The following KCNQ1 variants were observed in gnomAD, a reference collection of about 807,000 sequenced individuals.
KCNQ1 encodes the protein potassium voltage-gated channel subfamily Q member 1.
A neutral mutation model predicts 72.4 loss-of-function variants in KCNQ1; 49 were observed. The observed-to-expected ratio is 0.68, with a 90% CI of 0.54 to 0.86. KCNQ1 has a LOEUF of 0.86. Among genes scored for constraint, KCNQ1 ranks in the 40% least tolerant of loss-of-function variants. The pLI is 0.00. For missense variants in KCNQ1, 790 were observed against 945.1 expected (o/e 0.84, Z 2.15); for synonymous variants, 450 against 412.6 (o/e 1.09, Z -1.10).
chr11:2,510,077 C>T (rs1483136231), intron 1 of KCNQ1, among the ~76,000 whole-genome samples: 1 of 151,840 alleles, frequency 6.6e-6, no homozygotes, highest in Admixed American at 6.6e-5. Context: ...CGAGACCAGC[C>T]TGGGCAACAT....
In KCNQ1 at chr11:2,478,620, C is replaced by A. The variant is rs1564792538; in HGVS notation, c.386+33136C>A. On this transcript the variant is annotated intron_variant, in intron 1 of 15. Coordinates refer to ENST00000155840, the MANE Select transcript of KCNQ1 (RefSeq NM_000218.3). The surrounding 1 kb of genome is among the most constrained non-coding windows in gnomAD (Gnocchi z 4.0). The stretch of plus-strand genomic sequence containing the variant: ...ATGATTCAATTATCTCCCACGAGGT[C>A]CCTCCCATGACACGTGGGAATTATG... 6.6e-6 allele frequency among the ~76,000 whole-genome samples: 1 copy of A among 152,152 alleles called. No homozygotes were observed. Among genetic ancestry groups the A allele is most frequent in the Non-Finnish European group, 1.5e-5 (1 of 68,032 alleles).
At position 2,600,662 on chromosome 11, in the gene KCNQ1, T is replaced by G. The variant is rs1285170389; in HGVS notation, c.1393+11808T>G. Among the ~76,000 whole-genome samples, 1 of 152,248 alleles carries G rather than the reference T, an allele frequency of 6.6e-6. No homozygotes were observed. Among genetic ancestry groups the G allele is most frequent in the East Asian group, 1.9e-4 (1 of 5,200 alleles). ...ACCTAATTTAATGCCTATGTTCCCATTTTGTCAGTTGCCATGACAATGTCC... is the reference window on the plus strand; with the variant it reads ...ACCTAATTTAATGCCTATGTTCCCAGTTTGTCAGTTGCCATGACAATGTCC... On this transcript the variant is annotated intron_variant, in intron 10 of 15. Transcript: ENST00000155840. The surrounding 1 kb of genome is among the most constrained non-coding windows in gnomAD (Gnocchi z 5.6).
At chr11:2,792,565 G>C (rs574180582) in intron 15 of KCNQ1, among the ~76,000 whole-genome samples, 1 of 152,288 alleles carries the variant, frequency 6.6e-6, no homozygotes, top group South Asian at 2.1e-4. Context: ...CCAGGAAAAG[G>C]TCTGTGCGGG....
At chr11:2,740,484 C>T (rs903347728) in intron 11 of KCNQ1, among the ~76,000 whole-genome samples, 12 of 152,090 alleles carry the variant, frequency 7.9e-5, no homozygotes, top group African/African-American at 2.9e-4. Flanking sequence ...CAGAGGACAG[C>T]GCACGCGGGC....
rs1849691538 is a variant in KCNQ1 at position 2,647,949 on chromosome 11, C to T, written c.1394-14012C>T. On this transcript the variant is annotated intron_variant, in intron 10 of 15. Coordinates refer to ENST00000155840, the MANE Select transcript of KCNQ1 (RefSeq NM_000218.3). This position sits in a 1 kb window ranked among gnomAD's most constrained non-coding sequence, Gnocchi z 4.0. ...AGTTTTTTGGCTGGGTTTGTTGGCTCACACCTGTAAACCCAGTACTTTGGA... is the reference window on the plus strand; with the variant it reads ...AGTTTTTTGGCTGGGTTTGTTGGCTTACACCTGTAAACCCAGTACTTTGGA... 1.5e-5 allele frequency: 6 copies of T among 397,804 alleles called. No homozygotes were observed. Among genetic ancestry groups the T allele is most frequent in the East Asian group, 3.6e-5 (1 of 28,044 alleles). 24.6% of individuals were successfully genotyped at this position (397,804 alleles called of 1,614,324 possible). A position where few individuals can be genotyped will look rare whatever the true frequency, so the allele number is the denominator to read the frequency against.
chr11:2,477,584 A>G lies in KCNQ1; in HGVS notation c.386+32100A>G, dbSNP rs564956823. Among the ~76,000 whole-genome samples the G allele has an allele frequency of 6.6e-6, 1 of 152,182 alleles. No homozygotes were observed. Among genetic ancestry groups the G allele is most frequent in the South Asian group, 2.1e-4 (1 of 4,816 alleles). On this transcript the variant is annotated intron_variant, in intron 1 of 15. Transcript: ENST00000155840. The surrounding 1 kb of genome is among the most constrained non-coding windows in gnomAD (Gnocchi z 5.0). ...AATCCTCATTATGATGGCAGACTAAACCCATAGTGTGTTAAAAATGACCAC... is the reference window on the plus strand; with the variant it reads ...AATCCTCATTATGATGGCAGACTAAGCCCATAGTGTGTTAAAAATGACCAC...
rs181926349 is a variant in KCNQ1, at chr11:2,707,692, C to G, written c.1514+45611C>G. 1.5e-3 allele frequency among the ~76,000 whole-genome samples: 225 copies of G among 152,352 alleles called. 1 individual carries two copies. Among genetic ancestry groups the G allele is most frequent in the African/African-American group, 4.4e-3 (184 of 41,572 alleles). On this transcript the variant is annotated intron_variant, in intron 11 of 15. Coordinates refer to ENST00000155840, the MANE Select transcript of KCNQ1 (RefSeq NM_000218.3). ...GTTCTGAGGGCTTCATCCACACTAC[C>G]ACCCACTGTAGAGATGGGAAAACTG...
At chr11:2,819,635 G>C (rs780679506) in intron 15 of KCNQ1, among the ~76,000 whole-genome samples, 5 of 152,180 alleles carry the variant, frequency 3.3e-5, no homozygotes, top group African/African-American at 1.2e-4. Context: ...TGGTGCCTGG[G>C]GTTTTACCTT....
intron 15 of KCNQ1, among the ~76,000 whole-genome samples, chr11:2,825,633 T>G (rs1052677072): frequency 4.6e-5 from 7 of 152,230 alleles, no homozygotes; most frequent in African/African-American, 1.7e-4. Context: ...GGGGAAAGTA[T>G]GTGGACCTGC....
intron 15 of KCNQ1, among the ~76,000 whole-genome samples, chr11:2,792,850 G>C (rs1564894970): frequency 6.6e-6 from 1 of 152,214 alleles, no homozygotes; most frequent in Non-Finnish European, 1.5e-5. Flanking sequence ...AGTAAGGTGA[G>C]CCTGACAGCG....
At chr11:2,706,606 C>T (rs1850915188) in intron 11 of KCNQ1, among the ~76,000 whole-genome samples, 1 of 152,240 alleles carries the variant, frequency 6.6e-6, no homozygotes, top group Non-Finnish European at 1.5e-5. Context: ...ACAGAGCCAC[C>T]CACTCTCACC....
At chr11:2,575,708 G>A (rs1357970772) in intron 6 of KCNQ1, among the ~76,000 whole-genome samples, 1 of 152,212 alleles carries the variant, frequency 6.6e-6, no homozygotes, top group African/African-American at 2.4e-5. Flanking sequence ...TTACTGGGTG[G>A]GAGGTGGCTT....
intron 1 of KCNQ1, among the ~76,000 whole-genome samples, chr11:2,454,472 CAT>C (rs1299827095): frequency 1.4e-4 from 21 of 152,210 alleles, no homozygotes; most frequent in African/African-American, 4.6e-4. Flanking sequence ...TTTCAGGTGA[CAT>C]ATTTCTAGCG....
intron 2 of KCNQ1, among the ~76,000 whole-genome samples, chr11:2,554,451 C>A (rs2133698559): frequency 6.6e-6 from 1 of 152,336 alleles, no homozygotes; most frequent in African/African-American, 2.4e-5. Context: ...GCTGACATGT[C>A]ATTCCTGAGC....
chr11:2,837,378 G>A (rs955111984), intron 15 of KCNQ1, among the ~76,000 whole-genome samples: 1 of 152,104 alleles, frequency 6.6e-6, no homozygotes, highest in African/African-American at 2.4e-5. Flanking sequence ...CTGGGGCCCA[G>A]GAGAGCCCGC....
intron 10 of KCNQ1, chr11:2,644,325 G>A (rs946727774): frequency 2.5e-6 from 1 of 398,036 alleles, no homozygotes; most frequent in Non-Finnish European, 4.4e-6. Flanking sequence ...TTATCTTCAA[G>A]GTGTGAAATT....
rs763685072 is a variant in KCNQ1, at chr11:2,498,489, G to A, written c.387-29439G>A. ...TCCCAGCCTCCTTAGCACTATCAGG[G>A]GAAAACCGCCTACTAAAGCCTCAGT... is the stretch of plus-strand genomic sequence containing the variant. On this transcript the variant is annotated intron_variant, in intron 1 of 15. Coordinates refer to ENST00000155840, the MANE Select transcript of KCNQ1 (RefSeq NM_000218.3). This position sits in a 1 kb window ranked among gnomAD's most constrained non-coding sequence, Gnocchi z 4.8. 6.6e-6 allele frequency among the ~76,000 whole-genome samples: 1 copy of A among 152,120 alleles called. No individual in the cohort carries two copies. Among genetic ancestry groups the A allele is most frequent in the Non-Finnish European group, 1.5e-5 (1 of 68,010 alleles).
intron 10 of KCNQ1, chr11:2,655,065 C>CT: frequency 2.5e-6 from 1 of 398,572 alleles, no homozygotes; most frequent in Non-Finnish European, 4.4e-6. Context: ...TCCTTCTAGT[C>CT]TTTTTTCTGT....
intron 12 of KCNQ1, among the ~76,000 whole-genome samples, 193 bp from the exon 13 acceptor site, chr11:2,775,767 G>A (rs181358143): frequency 6.3e-4 from 96 of 152,304 alleles, no homozygotes; most frequent in Non-Finnish European, 1.0e-3. Context: ...ACTACCCAGA[G>A]ACCCATGGCC....
Sources: allele counts gnomAD v4.1 joint callset (sites outside exome capture counted in the v4.1 genomes callset), GRCh38; gene constraint gnomAD v4.1.1; non-coding constraint Gnocchi (gnomAD v3.1); transcripts MANE v1.5; gene names NCBI Gene and HGNC (gene_info 2026-07-23, HGNC 2026-07-21).